The following TMTC1 variants were observed in gnomAD, a reference collection of about 807,000 sequenced individuals.
The protein encoded by TMTC1 is protein O-mannosyl-transferase TMTC1.
In TMTC1, 73 loss-of-function variants were observed where a neutral mutation model predicts 104.8. The observed-to-expected ratio is 0.70, with a 90% confidence interval of 0.58 to 0.85. The LOEUF (loss-of-function observed/expected upper bound fraction) is 0.85, where lower values mean the gene tolerates loss of function less well. TMTC1 is among the 40% of genes least tolerant of loss of function. The pLI, the probability that TMTC1 is intolerant of heterozygous loss-of-function variation, is 0.00. For missense variants in TMTC1, 1,035 were observed against 1,096.1 expected (o/e 0.94, Z 0.79); for synonymous variants, 434 against 428.7 (o/e 1.01, Z -0.15).
intron 5 of TMTC1, among the ~76,000 whole-genome samples, chr12:29,643,638 A>T (rs866345346): frequency 2.7e-4 from 8 of 29,454 alleles, no homozygotes; most frequent in African/African-American, 9.6e-4. Context: ...TTATATATAT[A>T]ATATATATGT....
intron 7 of TMTC1, among the ~76,000 whole-genome samples, chr12:29,590,817 T>C (rs534912772): frequency 1.3e-4 from 20 of 151,950 alleles, no homozygotes; most frequent in Non-Finnish European, 2.6e-4. Flanking sequence ...AAAAACAAAC[T>C]AAACAAAACC....
intron 5 of TMTC1, among the ~76,000 whole-genome samples, chr12:29,644,107 A>G (rs1379126188): frequency 0.049 from 2,269 of 46,728 alleles, 90 homozygotes; most frequent in Admixed American, 0.073. Flanking sequence ...ATATATAAAT[A>G]TATATGTGTG....
chr12:29,673,744 C>CTTTTTTTTT (rs146463669), intron 5 of TMTC1, among the ~76,000 whole-genome samples: 2 of 95,734 alleles, frequency 2.1e-5, no homozygotes, highest in Non-Finnish European at 3.8e-5. Context: ...AGAGGGACTT[C>CTTTTTTTTT]TTTTTTTTTT....
intron 17 of TMTC1, 121 bp downstream of exon 17, chr12:29,511,922 G>T: frequency 3.0e-6 from 3 of 984,454 alleles, no homozygotes; most frequent in South Asian, 1.3e-5. Context: ...CCATACTTTT[G>T]ATATTCAAAT....
At chr12:29,734,515 C>T (rs574588301) in intron 5 of TMTC1, among the ~76,000 whole-genome samples, 20 of 152,174 alleles carry the variant, frequency 1.3e-4, no homozygotes, top group African/African-American at 4.3e-4. Flanking sequence ...ATAAGCCAGA[C>T]GATCATAAGT....
At chr12:29,660,880 A>T in intron 5 of TMTC1, 1 of 1,499,132 alleles carries the variant, frequency 6.7e-7, no homozygotes. Flanking sequence ...GCTTGCTCTC[A>T]GATACCTAAA....
At chr12:29,564,101 G>A (rs1445842610) in intron 9 of TMTC1, among the ~76,000 whole-genome samples, 2 of 152,178 alleles carry the variant, frequency 1.3e-5, no homozygotes, top group Non-Finnish European at 2.9e-5. Context: ...CAGAACTTGA[G>A]AAACTGAAAG....
intron 6 of TMTC1, among the ~76,000 whole-genome samples, chr12:29,604,937 A>C (rs916262207): frequency 6.6e-6 from 1 of 152,176 alleles, no homozygotes; most frequent in Non-Finnish European, 1.5e-5. Context: ...ATTGACAAAG[A>C]ACCTCCTCTG....
intron 2 of TMTC1, among the ~76,000 whole-genome samples, chr12:29,762,299 G>A (rs978756485): frequency 6.6e-6 from 1 of 152,188 alleles, no homozygotes; most frequent in African/African-American, 2.4e-5. Context: ...CACTCCCTCA[G>A]GGTGGTTGTA....
At chr12:29,744,539 A>G (rs1220747250) in intron 5 of TMTC1, among the ~76,000 whole-genome samples, 2 of 152,252 alleles carry the variant, frequency 1.3e-5, no homozygotes, top group Non-Finnish European at 2.9e-5. Context: ...GATCCACTTT[A>G]GTGCTGAGCT....
chr12:29,735,721 A>G (rs1192004861), intron 5 of TMTC1, among the ~76,000 whole-genome samples: 1 of 152,174 alleles, frequency 6.6e-6, no homozygotes, highest in Non-Finnish European at 1.5e-5. Flanking sequence ...CACAATGTAC[A>G]TTGGGTATTG....
chr12:29,745,618 CAA>C lies in TMTC1; in HGVS notation c.938+6046_938+6047del, dbSNP rs71444341. ...CCTGAGCAACAGAGCGAGACTCAATCAAAAAAAAAAAAAAAAAAAAAGAAAGA... is the reference window on the plus strand; with the variant it reads ...CCTGAGCAACAGAGCGAGACTCAATCAAAAAAAAAAAAAAAAAAAGAAAGA... On this transcript the variant is annotated intron_variant, in intron 5 of 17. Coordinates refer to ENST00000539277, the MANE Select transcript of TMTC1 (RefSeq NM_001193451.2). Among the ~76,000 whole-genome samples, 10 of 84,574 alleles carry C rather than the reference CAA, an allele frequency of 1.2e-4. No individual in the cohort carries two copies. The South Asian group carries it at 1.5e-3, about 12-fold the overall frequency. 55.5% of individuals were successfully genotyped at this position (84,574 alleles called of 152,430 possible). A position where few individuals can be genotyped will look rare whatever the true frequency, so the allele number is the denominator to read the frequency against.
rs77429125 is a variant in TMTC1 at position 29,629,361 on chromosome 12, C to G, written c.1128+3786G>C. Among the ~76,000 whole-genome samples the G allele has an allele frequency of 1.1e-3, 174 of 151,948 alleles. 4 individuals are homozygous for G. In the East Asian group the frequency reaches 0.03, roughly 26 times the overall value. Reference sequence around the variant, plus strand: ...AAAGCTACCTATGACCTGGAAGTGCCTCCACCCTTCAAGTTGTTCTGCCCT... The same window carrying G: ...AAAGCTACCTATGACCTGGAAGTGCGTCCACCCTTCAAGTTGTTCTGCCCT... On this transcript the variant is annotated intron_variant, in intron 6 of 17. Coordinates refer to ENST00000539277, the MANE Select transcript of TMTC1 (RefSeq NM_001193451.2).
In TMTC1 at chr12:29,537,320, T is replaced by C. The variant is rs576391568; in HGVS notation, c.1677-1003A>G. ...AATGACTATGTGCCATATACCCTCA[T>C]ATCTTTCACATAACATTATTAATGT... On this transcript the variant is annotated intron_variant, in intron 10 of 17. Transcript: ENST00000539277. Among the ~76,000 whole-genome samples, 3 of 152,204 alleles carry C rather than the reference T, an allele frequency of 2.0e-5. No homozygotes were observed. In the East Asian group the frequency reaches 5.8e-4, roughly 29 times the overall value.
At chr12:29,540,548 T>C (rs1475209504) in intron 10 of TMTC1, among the ~76,000 whole-genome samples, 3 of 152,226 alleles carry the variant, frequency 2.0e-5, no homozygotes, top group African/African-American at 4.8e-5. Context: ...TGAAATGTTA[T>C]ACAATTTATC....
intron 5 of TMTC1, among the ~76,000 whole-genome samples, chr12:29,718,395 C>G (rs891439691): frequency 6.6e-6 from 1 of 152,080 alleles, no homozygotes; most frequent in Non-Finnish European, 1.5e-5. Flanking sequence ...AACTGTAAAG[C>G]GAAGAGGAAA....
chr12:29,771,099 T>A (rs553358135), intron 1 of TMTC1, among the ~76,000 whole-genome samples: 1 of 152,314 alleles, frequency 6.6e-6, no homozygotes, highest in Non-Finnish European at 1.5e-5. Context: ...GGTTCTGATA[T>A]TACCTCTGTT....
At chr12:29,659,534 C>T (rs762565303) in intron 5 of TMTC1, among the ~76,000 whole-genome samples, 2 of 152,148 alleles carry the variant, frequency 1.3e-5, no homozygotes, top group African/African-American at 4.8e-5. Flanking sequence ...GAGCCCTCAC[C>T]AGATGTCTAA....
intron 1 of TMTC1, among the ~76,000 whole-genome samples, chr12:29,771,811 C>A (rs1943601026): frequency 6.6e-6 from 1 of 152,090 alleles, no homozygotes; most frequent in African/African-American, 2.4e-5. Context: ...AGAAATGATG[C>A]CTCTTGAATG....
Sources: gnomAD v4.1 joint callset for allele counts (sites outside exome capture counted in the v4.1 genomes callset) on GRCh38, gnomAD v4.1.1 for gene constraint, MANE v1.5 for transcripts, NCBI Gene and HGNC (gene_info 2026-07-23, HGNC 2026-07-21) for gene names.